The following TMEM74 variants were observed in gnomAD, a reference collection of about 807,000 sequenced individuals.
TMEM74 encodes transmembrane protein 74.
TMEM74 carries 13 observed loss-of-function variants against 18.1 expected under a neutral mutation model. That is an observed-to-expected ratio of 0.72 (90% CI 0.47 to 1.14). The LOEUF (loss-of-function observed/expected upper bound fraction) is 1.14. TMEM74 is among the 50% of genes most tolerant of loss of function. The pLI is 0.00. For missense variants in TMEM74, 372 were observed against 375.9 expected (o/e 0.99, Z 0.09); for synonymous variants, 159 against 146.6 (o/e 1.08, Z -0.61).
At chr8:108,637,158 A>G (rs1023261557) in intron 2 of TMEM74, among the ~76,000 whole-genome samples, 7 of 152,170 alleles carry the variant, frequency 4.6e-5, no homozygotes, top group African/African-American at 1.7e-4. Context: ...TTCCAGATGC[A>G]TGCAGAATGC....
intron 1 of TMEM74, among the ~76,000 whole-genome samples, chr8:108,763,805 G>C (rs1177145311): frequency 6.6e-6 from 1 of 152,070 alleles, no homozygotes; most frequent in Non-Finnish European, 1.5e-5. Context: ...CCTCAGCCTG[G>C]TATAGGCTTA....
At chr8:108,683,117 G>C (rs565006111) in intron 1 of TMEM74, among the ~76,000 whole-genome samples, 1 of 151,884 alleles carries the variant, frequency 6.6e-6, no homozygotes, top group East Asian at 1.9e-4. Context: ...TCAGAAAGAG[G>C]TAAAAGTGGA....
At chr8:108,708,552 A>G (rs1241232742) in intron 1 of TMEM74, among the ~76,000 whole-genome samples, 2 of 152,096 alleles carry the variant, frequency 1.3e-5, no homozygotes, top group African/African-American at 2.4e-5. Context: ...TTTTAAAATG[A>G]TAGCATTCTG....
chr8:108,781,311 C>G lies in TMEM74; in HGVS notation c.*2870G>C, dbSNP rs967670235. On this transcript the variant is annotated 3_prime_UTR_variant, in exon 2 of 2. Transcript: ENST00000297459. ...AGACCAAAACTATAGGTATTGTATG[C>G]CCAATGTCTATAGAATGCATCACCT... 1.9e-4 allele frequency among the ~76,000 whole-genome samples: 29 copies of G among 152,146 alleles called. No homozygotes were observed. Among genetic ancestry groups the G allele is most frequent in the African/African-American group, 7.0e-4 (29 of 41,430 alleles).
chr8:108,750,579 A>C (rs1410348226), intron 1 of TMEM74, among the ~76,000 whole-genome samples: 1 of 152,118 alleles, frequency 6.6e-6, no homozygotes, highest in Non-Finnish European at 1.5e-5. Flanking sequence ...CACAGCTGTT[A>C]CACTAAAGCG....
rs142504572 is a variant in TMEM74 at position 108,664,944 on chromosome 8, C to T, written n.120-9507G>A. On this transcript the variant is annotated intron_variant and non_coding_transcript_variant, in intron 1 of 3. Coordinates refer to the TMEM74 transcript ENST00000518838. ...TAGATACCTGACCAAACACAGTCTG[C>T]ATACTTAAGCTGTCTCTAGATTACA... Among the ~76,000 whole-genome samples the T allele has an allele frequency of 3.3e-5, 5 of 152,132 alleles. No homozygotes were observed. The East Asian group carries it at 9.7e-4, about 29-fold the overall frequency.
intron 1 of TMEM74, among the ~76,000 whole-genome samples, chr8:108,657,885 T>TATATTAATTAC (rs1554630312): frequency 3.1e-4 from 35 of 114,050 alleles, no homozygotes; most frequent in African/African-American, 1.3e-3. Flanking sequence ...TATATATATA[T>TATATTAATTAC]ATATATATAT....
intron 1 of TMEM74, among the ~76,000 whole-genome samples, chr8:108,721,384 C>T (rs1168707027): frequency 1.3e-5 from 2 of 152,216 alleles, no homozygotes; most frequent in Non-Finnish European, 2.9e-5. Context: ...TTCTTTTCTT[C>T]CTCCCTTTCT....
chr8:108,694,746 A>G (rs1813264047), intron 1 of TMEM74, among the ~76,000 whole-genome samples: 1 of 152,212 alleles, frequency 6.6e-6, no homozygotes, highest in Non-Finnish European at 1.5e-5. Flanking sequence ...GATTTATTAT[A>G]AGGATTTGAC....
chr8:108,630,902 GCAGTTCAGGACAC>G (rs1812545991), intron 2 of TMEM74, among the ~76,000 whole-genome samples: 1 of 151,938 alleles, frequency 6.6e-6, no homozygotes, highest in South Asian at 2.1e-4. Flanking sequence ...GTCTACCCCA[GCAGTTCAGGACAC>G]AAGGCAGGAA....
chr8:108,786,959 G>A (rs1471724176), intron 1 of TMEM74, among the ~76,000 whole-genome samples: 1 of 152,194 alleles, frequency 6.6e-6, no homozygotes, highest in Non-Finnish European at 1.5e-5. Context: ...TAGCAGCACA[G>A]TCGATTTCCT....
chr8:108,745,164 T>C lies in TMEM74; in HGVS notation n.119+42312A>G, dbSNP rs139269017. Reference sequence around the variant, plus strand: ...TCAGCCTCTTTCTTCCTCTGTTTAGTTGGGGGGACCACTCTCCTAATTTCC... The same window carrying C: ...TCAGCCTCTTTCTTCCTCTGTTTAGCTGGGGGGACCACTCTCCTAATTTCC... On this transcript the variant is annotated intron_variant and non_coding_transcript_variant, in intron 1 of 3. Transcript: ENST00000518838. 5.7e-3 allele frequency among the ~76,000 whole-genome samples: 873 copies of C among 152,226 alleles called. 1 individual carries two copies. Among genetic ancestry groups the C allele is most frequent in the Non-Finnish European group, 8.2e-3 (560 of 67,994 alleles).
chr8:108,641,479 T>C (rs995848945), intron 2 of TMEM74, among the ~76,000 whole-genome samples: 2 of 152,160 alleles, frequency 1.3e-5, no homozygotes, highest in African/African-American at 4.8e-5. Flanking sequence ...TTGCACTGTG[T>C]GCATTCCTCT....
chr8:108,626,545 C>A (rs932056321), intron 2 of TMEM74: 1 of 152,192 alleles, frequency 6.6e-6, no homozygotes, highest in East Asian at 1.9e-4. Flanking sequence ...TTCTCCACTG[C>A]TTTTCATAAG....
At chr8:108,756,599 A>AAAGAGAAAGGGAGGAAGGAAGG (rs1586286218) in intron 1 of TMEM74, among the ~76,000 whole-genome samples, 24 of 51,552 alleles carry the variant, frequency 4.7e-4, no homozygotes, top group African/African-American at 2.1e-4. Context: ...AAAGAAAGAG[A>AAAGAGAAAGGGAGGAAGGAAGG]AAGGAAGGAA....
rs555646830 is a variant in TMEM74, at chr8:108,661,996, G to A, written n.120-6559C>T. Reference sequence around the variant, plus strand: ...CAATTTTCCATCTCTGATTTTCTACGAAATGTGGATTTCAGAGATAACAGT... The same window carrying A: ...CAATTTTCCATCTCTGATTTTCTACAAAATGTGGATTTCAGAGATAACAGT... On this transcript the variant is annotated intron_variant and non_coding_transcript_variant, in intron 1 of 3. Coordinates refer to the TMEM74 transcript ENST00000518838. Among the ~76,000 whole-genome samples, 7 of 152,224 alleles carry A rather than the reference G, an allele frequency of 4.6e-5. No individual in the cohort carries two copies. In the South Asian group the frequency reaches 8.3e-4, roughly 18 times the overall value.
At chr8:108,675,028 C>T (rs1813042881) in intron 1 of TMEM74, among the ~76,000 whole-genome samples, 1 of 152,150 alleles carries the variant, frequency 6.6e-6, no homozygotes, top group African/African-American at 2.4e-5. Flanking sequence ...ATACCCTTAG[C>T]CTTCACCAAT....
In TMEM74 at chr8:108,780,164, A is replaced by C. The variant is rs1814286079; in HGVS notation, c.*4017T>G. Among the ~76,000 whole-genome samples the C allele has an allele frequency of 6.6e-6, 1 of 152,204 alleles. No individual in the cohort carries two copies. The highest frequency in any genetic ancestry group is 1.5e-5 in the Non-Finnish European group (1 of 68,042). ...TATTACATCTTGCTGTAATAGGTGA[A>C]CCACTGGCAAAGGTTGTGAATCTTT... On this transcript the variant is annotated 3_prime_UTR_variant, in exon 2 of 2. Transcript: ENST00000297459.
chr8:108,619,332 T>C (rs1812415822), intron 2 of TMEM74, among the ~76,000 whole-genome samples: 1 of 152,176 alleles, frequency 6.6e-6, no homozygotes, highest in East Asian at 1.9e-4. Flanking sequence ...TTACTGAAAG[T>C]TGGAAGGCAT....
Sources: allele counts gnomAD v4.1 joint callset (sites outside exome capture counted in the v4.1 genomes callset), GRCh38; gene constraint gnomAD v4.1.1; transcripts MANE v1.5; gene names NCBI Gene and HGNC (gene_info 2026-07-23, HGNC 2026-07-21).